The following DOP1B variants were observed in gnomAD, a reference collection of about 807,000 sequenced individuals.
DOP1B encodes protein DOP1B.
DOP1B carries 174 observed loss-of-function variants against 233.5 expected under a neutral mutation model. The observed-to-expected ratio is 0.75, with a 90% confidence interval of 0.66 to 0.85. The LOEUF is 0.85. Ranked by LOEUF, DOP1B falls within the 40% of genes least tolerant of loss-of-function variation. The pLI, the probability that DOP1B is intolerant of heterozygous loss-of-function variation, is 0.00. For synonymous variants in DOP1B, 1,190 were observed against 1,185.6 expected (o/e 1.00, Z -0.08); for missense variants, 2,652 against 2,846.6 (o/e 0.93, Z 1.56).
intron 23 of DOP1B, among the ~76,000 whole-genome samples, chr21:36,257,235 T>C (rs2067109402): frequency 6.6e-6 from 1 of 152,210 alleles, no homozygotes; most frequent in Non-Finnish European, 1.5e-5. Flanking sequence ...CTTCATGTGC[T>C]CTGCTCTCTG....
chr21:36,270,199 C>G (rs779967217), intron 27 of DOP1B, 42 bp downstream of exon 27: 10 of 1,597,832 alleles, frequency 6.3e-6, no homozygotes, highest in Non-Finnish European at 8.5e-6. Context: ...CTGGTCAGCG[C>G]GTGGTTCTGG....
intron 7 of DOP1B, 104 bp from the exon 8 acceptor site, chr21:36,213,977 G>C (rs943801150): frequency 3.9e-6 from 4 of 1,014,312 alleles, no homozygotes; most frequent in Non-Finnish European, 5.9e-6. Flanking sequence ...TTTTCCATCA[G>C]AAGAATGATA....
In DOP1B at chr21:36,267,173, G is replaced by A. The variant is rs141650187; in HGVS notation, c.5488-2840G>A. On this transcript the variant is annotated intron_variant, in intron 26 of 36. Transcript: ENST00000691173. ...TGACACTGGCTGAGAAGCCTGCTTC[G>A]AGTTTCTGTCTCTCCAGCTACTAAC... Among the ~76,000 whole-genome samples, 96 of 152,260 alleles carry A rather than the reference G, an allele frequency of 6.3e-4. 1 individual carries two copies. The highest frequency in any genetic ancestry group is 2.0e-3 in the African/African-American group (83 of 41,546).
At chr21:36,259,000 A>T (rs540649417) in intron 23 of DOP1B, among the ~76,000 whole-genome samples, 1 of 133,880 alleles carries the variant, frequency 7.5e-6, no homozygotes. Context: ...TTTTGAGACG[A>T]AGTCTTGCTC....
In DOP1B at chr21:36,260,805, A is replaced by C. The variant is rs2067160893; in HGVS notation, c.5315+73A>C. On this transcript the variant is annotated intron_variant, in intron 24 of 36. Transcript: ENST00000691173. The stretch of plus-strand genomic sequence containing the variant: ...ATTGCAGTGAGCATGCATAATAAAT[A>C]TCTGGTTTTATTTCTAGACTACTAG... 11 of 1,587,672 alleles carry C rather than the reference A, an allele frequency of 6.9e-6. 1 individual carries two copies. The South Asian group carries it at 1.3e-4, about 19-fold the overall frequency.
intron 2 of DOP1B, among the ~76,000 whole-genome samples, chr21:36,171,167 G>A (rs114414618): frequency 0.017 from 2,530 of 152,290 alleles, 79 homozygotes; most frequent in African/African-American, 0.059. Flanking sequence ...TGGTTCCAAG[G>A]CCCATGCTCA....
chr21:36,176,103 T>TATGTGTGTGTGC (rs1029236168), intron 2 of DOP1B, among the ~76,000 whole-genome samples: 3 of 141,920 alleles, frequency 2.1e-5, no homozygotes, highest in South Asian at 2.2e-4. Flanking sequence ...TGTGCGTGTG[T>TATGTGTGTGTGC]GTGTGTGTGT....
chr21:36,207,709 G>A (rs190171455), intron 4 of DOP1B, among the ~76,000 whole-genome samples: 149 of 152,214 alleles, frequency 9.8e-4, no homozygotes, highest in African/African-American at 3.3e-3. Context: ...ACATTCCACC[G>A]GGTTGGTTTT....
Position 36,246,796 on chromosome 21 carries a change from G to T in DOP1B, c.4697+119G>T. On this transcript the variant is annotated intron_variant, in intron 19 of 36. Coordinates refer to ENST00000691173, the MANE Select transcript of DOP1B (RefSeq NM_001320714.2). The surrounding 1 kb of genome is among the most constrained non-coding windows in gnomAD (Gnocchi z 5.1). ...ATAATTTCATCCCAATGAGAAGCCTGTTTAGCATTATCAAGAGGGGTAACA... is the reference window on the plus strand; with the variant it reads ...ATAATTTCATCCCAATGAGAAGCCTTTTTAGCATTATCAAGAGGGGTAACA... 8.0e-7 allele frequency: 1 copy of T among 1,249,276 alleles called. No individual in the cohort carries two copies. Among genetic ancestry groups the T allele is most frequent in the Non-Finnish European group, 1.1e-6 (1 of 912,218 alleles). The allele number at this position is 1,249,276 out of a possible 1,614,324, so 77.4% of individuals were successfully genotyped here. A position where few individuals can be genotyped will look rare whatever the true frequency, so the allele number is the denominator to read the frequency against.
intron 22 of DOP1B, among the ~76,000 whole-genome samples, chr21:36,252,456 TAAAA>T (rs565981647): frequency 8.8e-5 from 9 of 102,194 alleles, no homozygotes; most frequent in Admixed American, 1.1e-4. Context: ...ACACTTCATG[TAAAA>T]AAAAAAAAAA....
At chr21:36,252,523 A>G (rs530665270) in intron 22 of DOP1B, among the ~76,000 whole-genome samples, 1 of 151,028 alleles carries the variant, frequency 6.6e-6, no homozygotes, top group Non-Finnish European at 1.5e-5. Context: ...ATCACCAATC[A>G]TATTTCTATG....
chr21:36,161,742 G>A, intron 1 of DOP1B, among the ~76,000 whole-genome samples: 1 of 152,104 alleles, frequency 6.6e-6, no homozygotes, highest in East Asian at 1.9e-4. Flanking sequence ...GAGAAAGATC[G>A]CCGTGCCCAG....
intron 2 of DOP1B, among the ~76,000 whole-genome samples, chr21:36,166,910 G>A (rs2065916434): frequency 1.3e-5 from 2 of 152,308 alleles, no homozygotes; most frequent in East Asian, 1.9e-4. Flanking sequence ...TAAATGTCAC[G>A]GCTCCGTGCT....
rs762451256 is a variant in DOP1B at position 36,200,397 on chromosome 21, C to A, written c.387C>A (p.Tyr129Ter). 1.2e-6 allele frequency: 2 copies of A among 1,613,554 alleles called. No homozygotes were observed. Among genetic ancestry groups the A allele is most frequent in the African/African-American group, 1.3e-5 (1 of 74,920 alleles). Residue 129 changes from tyrosine (Y) to a stop codon, truncating the protein, a stop_gained, in exon 4 of 37, where the codon TAC becomes TAA. Coordinates refer to ENST00000691173, the MANE Select transcript of DOP1B (RefSeq NM_001320714.2). LOFTEE classifies it high-confidence loss of function. ...VSVRPVLLTL[Y>*]EKYFLPLQKL... ...TGAGGCCGGTGCTGCTCACCCTGTA[C>A]GAGAAGTACTTCCTCCCACTGCAGA...
chr21:36,254,658 C>T (rs1256467542), intron 23 of DOP1B, among the ~76,000 whole-genome samples: 1 of 152,082 alleles, frequency 6.6e-6, no homozygotes, highest in East Asian at 1.9e-4. Flanking sequence ...ACATACACAT[C>T]TCAAAGGGAC....
intron 2 of DOP1B, among the ~76,000 whole-genome samples, chr21:36,170,832 G>T (rs2065966025): frequency 6.6e-6 from 1 of 150,826 alleles, no homozygotes. Context: ...AACTTTGTTA[G>T]AGTTGTTACC....
intron 10 of DOP1B, among the ~76,000 whole-genome samples, chr21:36,221,284 G>A (rs1046823719): frequency 1.3e-5 from 2 of 151,962 alleles, no homozygotes; most frequent in African/African-American, 4.8e-5. Context: ...CTTGAGGTCA[G>A]CAGTTCAAGA....
chr21:36,199,526 T>C (rs1048520898), intron 3 of DOP1B, among the ~76,000 whole-genome samples: 74 of 152,252 alleles, frequency 4.9e-4, no homozygotes, highest in African/African-American at 1.7e-3. Context: ...CATGTTGGTG[T>C]GCTGCACCCA....
In DOP1B at chr21:36,293,605, T is replaced by G. The variant is rs754099872; in HGVS notation, c.*34T>G. 23 of 1,605,202 alleles carry G rather than the reference T, an allele frequency of 1.4e-5. No homozygotes were observed. The South Asian group carries it at 2.2e-4, about 15-fold the overall frequency. ...GAGAGAATATGTTTAATCCATGTAT[T>G]GGTACTTTACTGAAAACCAGGTTAT... On this transcript the variant is annotated 3_prime_UTR_variant, in exon 37 of 37. Coordinates refer to ENST00000691173, the MANE Select transcript of DOP1B (RefSeq NM_001320714.2).
Sources: gnomAD v4.1 joint callset for allele counts (sites outside exome capture counted in the v4.1 genomes callset) on GRCh38, gnomAD v4.1.1 for gene constraint, Gnocchi (gnomAD v3.1) non-coding constraint, MANE v1.5 for transcripts, NCBI Gene and HGNC (gene_info 2026-07-23, HGNC 2026-07-21) for gene names.